The following MAP3K20 variants were observed in gnomAD, a reference collection of about 807,000 sequenced individuals.
MAP3K20 encodes mitogen-activated protein kinase kinase kinase 20, also known as HCCS-4.
A neutral mutation model predicts 85.7 loss-of-function variants in MAP3K20; 40 were observed. The observed-to-expected ratio is 0.47, with a 90% confidence interval of 0.36 to 0.61. The LOEUF (loss-of-function observed/expected upper bound fraction) is 0.61, where lower values mean the gene tolerates loss of function less well. Ranked by LOEUF, MAP3K20 falls within the 20% of genes least tolerant of loss-of-function variation. MAP3K20 has a pLI of 0.00. For missense variants in MAP3K20, 817 were observed against 961.7 expected (o/e 0.85, Z 1.99); for synonymous variants, 325 against 327.7 (o/e 0.99, Z 0.09).
intron 1 of MAP3K20, among the ~76,000 whole-genome samples, chr2:173,081,191 T>A (rs543616575): frequency 1.3e-5 from 1 of 74,156 alleles, no homozygotes; most frequent in African/African-American, 3.4e-5. Context: ...AAAGACAAAT[T>A]TTTTTTTTTT....
chr2:173,209,734 G>T lies in MAP3K20; in HGVS notation c.750G>T (p.Arg250=), dbSNP rs766911670. 21 of 1,604,472 alleles carry T rather than the reference G, an allele frequency of 1.3e-5. No individual in the cohort carries two copies. Among genetic ancestry groups the T allele is most frequent in the Admixed American group, 1.7e-5 (1 of 57,888 alleles). ...ACTTATTTTCTCTTCTTCAGAAACG[G>T]CCATCATTCAAGCAAATCATTTCAA... The part of the protein sequence containing the change: ...HQCWEADAKK[R]PSFKQIISIL... The change falls in exon 10 of 20, where the codon CGG becomes CGT. Residue 250 remains arginine, a synonymous_variant. Coordinates refer to ENST00000375213, the MANE Select transcript of MAP3K20 (RefSeq NM_016653.3).
rs746903757 is a variant in MAP3K20, at chr2:173,182,895, A to T, written c.289A>T (p.Asn97Tyr). The T allele has an allele frequency of 6.2e-7, 1 of 1,610,246 alleles. No individual in the cohort carries two copies. Among genetic ancestry groups the T allele is most frequent in the Non-Finnish European group, 8.5e-7 (1 of 1,178,500 alleles). The change falls in exon 4 of 20, where the codon AAC (asparagine) becomes TAC (tyrosine). Residue 97 changes from asparagine to tyrosine, a missense_variant. By Grantham distance (143) the Asn-to-Tyr change is moderately radical (BLOSUM62 -2). Around this residue, in one of 4 missense-constraint regions of MAP3K20, gnomAD observed 200 missense variants for 302.7 expected, o/e 0.66. Transcript: ENST00000375213. Reference sequence around the variant, plus strand: ...ATCACTCTATGATTACATTAACAGTAACAGAAGTGAGGAGATGGATATGGA... The same window carrying T: ...ATCACTCTATGATTACATTAACAGTTACAGAAGTGAGGAGATGGATATGGA... The part of the protein sequence containing the change: ...LGSLYDYINS[N>Y]RSEEMDMDHI...
At chr2:173,111,956 G>A (rs921690126) in intron 2 of MAP3K20, among the ~76,000 whole-genome samples, 6 of 152,080 alleles carry the variant, frequency 3.9e-5, no homozygotes, top group African/African-American at 1.2e-4. Flanking sequence ...GAAGAATGAT[G>A]GTTGTATTTT....
intron 5 of MAP3K20, among the ~76,000 whole-genome samples, chr2:173,188,675 A>G (rs1363477942): frequency 6.6e-6 from 1 of 152,120 alleles, no homozygotes; most frequent in Non-Finnish European, 1.5e-5. Context: ...GCCACTTATC[A>G]GTAGTCCAGG....
chr2:173,191,842 C>T (rs1282799923), intron 7 of MAP3K20, among the ~76,000 whole-genome samples: 3 of 152,202 alleles, frequency 2.0e-5, no homozygotes, highest in Admixed American at 1.3e-4. Flanking sequence ...GGAATGAATC[C>T]GTTAAGGAGC....
intron 11 of MAP3K20, chr2:173,224,148 G>A (rs551083433): frequency 9.1e-5 from 78 of 858,880 alleles, no homozygotes; most frequent in East Asian, 1.2e-4. Context: ...AAATGAAGCC[G>A]GGAAGGAGGA....
At position 173,229,710 on chromosome 2, in the gene MAP3K20, G is replaced by A. The variant is rs1282345920; in HGVS notation, c.1009G>A (p.Gly337Ser). 6.2e-7 allele frequency: 1 copy of A among 1,613,954 alleles called. No homozygotes were observed. The highest frequency in any genetic ancestry group is 2.2e-5 in the East Asian group (1 of 44,874). Reference sequence around the variant, plus strand: ...GCAGCTGCTGCCTTCCTTTGAGATTGGTGCATGGACGGAAGACGATGTGGT... The same window carrying A: ...GCAGCTGCTGCCTTCCTTTGAGATTAGTGCATGGACGGAAGACGATGTGGT... ...NTPLLPSFEI[G>S]AWTEDDVYCW... Residue 337 changes from glycine (G) to serine (S), a missense_variant, in exon 12 of 20, where the codon GGT becomes AGT. Coordinates refer to ENST00000375213, the MANE Select transcript of MAP3K20 (RefSeq NM_016653.3).
At chr2:173,110,157 C>T (rs1313445369) in intron 2 of MAP3K20, among the ~76,000 whole-genome samples, 1 of 117,440 alleles carries the variant, frequency 8.5e-6, no homozygotes, top group Non-Finnish European at 1.7e-5. Flanking sequence ...TTTAATACAA[C>T]TTGATATATA....
intron 2 of MAP3K20, among the ~76,000 whole-genome samples, chr2:173,101,524 G>A (rs570307056): frequency 2.6e-5 from 4 of 152,238 alleles, no homozygotes; most frequent in African/African-American, 9.6e-5. Context: ...ACCAATTAAC[G>A]TATTTCAGTA....
At chr2:173,155,023 A>T (rs1689423148) in intron 2 of MAP3K20, among the ~76,000 whole-genome samples, 1 of 152,182 alleles carries the variant, frequency 6.6e-6, no homozygotes, top group African/African-American at 2.4e-5. Flanking sequence ...TTTTGGAGAG[A>T]TGAAAAACAT....
Position 173,198,311 on chromosome 2 carries a change from C to A in MAP3K20, c.669+199C>A. On this transcript the variant is annotated intron_variant, in intron 8 of 19. Coordinates refer to ENST00000375213, the MANE Select transcript of MAP3K20 (RefSeq NM_016653.3). The surrounding 1 kb of genome is among the most constrained non-coding windows in gnomAD (Gnocchi z 5.8). ...ACATCTAATTGTTGCAGCTTCACGT[C>A]GTGATGCTGTAGATCAAAAATTGTA... 1 of 402,416 alleles carries A rather than the reference C, an allele frequency of 2.5e-6. No homozygotes were observed. The highest frequency in any genetic ancestry group is 4.5e-6 in the Non-Finnish European group (1 of 220,402). 24.9% of individuals were successfully genotyped at this position (402,416 alleles called of 1,614,324 possible).
intron 2 of MAP3K20, among the ~76,000 whole-genome samples, chr2:173,110,214 TA>T (rs1687908087): frequency 4.3e-4 from 3 of 6,932 alleles, no homozygotes; most frequent in South Asian, 5.9e-3. Context: ...TATATATATA[TA>T]TATATATATA....
intron 2 of MAP3K20, among the ~76,000 whole-genome samples, chr2:173,107,694 T>A (rs139775039): frequency 6.6e-6 from 1 of 151,696 alleles, no homozygotes. Context: ...CCACTACTTA[T>A]TAGATTTATG....
At chr2:173,163,180 AT>A (rs1018829493) in intron 2 of MAP3K20, among the ~76,000 whole-genome samples, 35 of 152,292 alleles carry the variant, frequency 2.3e-4, no homozygotes, top group African/African-American at 8.2e-4. Context: ...ACATGGGTAA[AT>A]TGTGTGTCAT....
rs373962841 is a variant in MAP3K20, at chr2:173,242,397, G to A, written c.1359+2901G>A. ...TTGGCCAGGCTGGTCTCGAACTCCC[G>A]ACCTCAGGTGATCCGCCCACCTCGG... On this transcript the variant is annotated intron_variant, in intron 16 of 19. Coordinates refer to ENST00000375213, the MANE Select transcript of MAP3K20 (RefSeq NM_016653.3). 1.6e-4 allele frequency among the ~76,000 whole-genome samples: 24 copies of A among 152,068 alleles called. 1 individual carries two copies. The highest frequency in any genetic ancestry group is 5.1e-4 in the African/African-American group (21 of 41,488).
At chr2:173,216,178 G>C (rs899729826) in intron 10 of MAP3K20, among the ~76,000 whole-genome samples, 6 of 152,120 alleles carry the variant, frequency 3.9e-5, no homozygotes, top group African/African-American at 9.7e-5. Context: ...CTTAAACATT[G>C]CAACAGCCCT....
At chr2:173,223,100 A>G (rs1163551125) in intron 11 of MAP3K20, 1 of 985,408 alleles carries the variant, frequency 1.0e-6, no homozygotes, top group Non-Finnish European at 1.2e-6. Context: ...ACGTGTTTCT[A>G]ATGCCCCTTG....
intron 2 of MAP3K20, among the ~76,000 whole-genome samples, chr2:173,156,724 C>T (rs1472954947): frequency 6.6e-6 from 1 of 152,180 alleles, no homozygotes; most frequent in Non-Finnish European, 1.5e-5. Flanking sequence ...TCCTGCTGTG[C>T]GACCTGGTTC....
chr2:173,099,193 A>C (rs890766935), intron 2 of MAP3K20, among the ~76,000 whole-genome samples: 2 of 152,130 alleles, frequency 1.3e-5, no homozygotes. Context: ...GCAAATGTAC[A>C]TGAAACCTCA....
Sources: allele counts gnomAD v4.1 joint callset (sites outside exome capture counted in the v4.1 genomes callset), GRCh38; gene constraint gnomAD v4.1.1; regional missense constraint gnomAD v4.1.1; non-coding constraint Gnocchi (gnomAD v3.1); transcripts MANE v1.5; gene names NCBI Gene and HGNC (gene_info 2026-07-23, HGNC 2026-07-21).